SGCZ: variants seen among roughly 807,000 people sequenced by gnomAD.
SGCZ encodes the protein sarcoglycan zeta, also known as zeta-sarcoglycan.
A neutral mutation model predicts 41.3 loss-of-function variants in SGCZ; 40 were observed. The observed-to-expected ratio is 0.97, with a 90% CI of 0.75 to 1.26. The LOEUF (loss-of-function observed/expected upper bound fraction) is 1.26, where lower values mean the gene tolerates loss of function less well. Among genes scored for constraint, SGCZ ranks in the 50% most tolerant of loss-of-function variants. The pLI is 0.00. For missense variants in SGCZ, 552 were observed against 369.8 expected (o/e 1.49, Z -4.04); for synonymous variants, 206 against 137.5 (o/e 1.50, Z -3.49).
intron 1 of SGCZ, among the ~76,000 whole-genome samples, chr8:14,689,588 G>A (rs1808732114): frequency 6.6e-6 from 1 of 152,070 alleles, no homozygotes; most frequent in African/African-American, 2.4e-5. Context: ...TCTAGATTTA[G>A]TGAATTATAT....
chr8:14,818,282 A>T (rs1479850010), intron 1 of SGCZ, among the ~76,000 whole-genome samples: 1 of 152,112 alleles, frequency 6.6e-6, no homozygotes, highest in East Asian at 1.9e-4. Flanking sequence ...CTGACGACTA[A>T]CCTGATACTC....
chr8:14,693,827 G>A (rs575491482), intron 1 of SGCZ, among the ~76,000 whole-genome samples: 1 of 151,900 alleles, frequency 6.6e-6, no homozygotes, highest in Non-Finnish European at 1.5e-5. Context: ...CCTGACCTCA[G>A]GTGATCCGCC....
intron 2 of SGCZ, among the ~76,000 whole-genome samples, chr8:14,553,067 G>C (rs572397977): frequency 6.6e-6 from 1 of 152,058 alleles, no homozygotes; most frequent in South Asian, 2.1e-4. Flanking sequence ...TGATAGTCTG[G>C]TTGCTATTTA....
intron 1 of SGCZ, among the ~76,000 whole-genome samples, chr8:14,819,760 C>G (rs1473249748): frequency 2.6e-5 from 4 of 152,074 alleles, no homozygotes; most frequent in Non-Finnish European, 5.9e-5. Flanking sequence ...TAGAGTATTT[C>G]TATGTGACCA....
At chr8:14,747,070 G>A (rs1262711784) in intron 1 of SGCZ, among the ~76,000 whole-genome samples, 1 of 152,118 alleles carries the variant, frequency 6.6e-6, no homozygotes, top group Non-Finnish European at 1.5e-5. Context: ...TTTCTTTTAA[G>A]AGTGCTATTT....
chr8:15,033,086 C>T (rs1803740425), intron 1 of SGCZ, among the ~76,000 whole-genome samples: 1 of 152,060 alleles, frequency 6.6e-6, no homozygotes, highest in Non-Finnish European at 1.5e-5. Context: ...TTCCTATGAC[C>T]TCAAGCTCTA....
intron 1 of SGCZ, among the ~76,000 whole-genome samples, chr8:15,064,439 GACAA>G (rs1386553517): frequency 6.8e-6 from 1 of 148,018 alleles, no homozygotes; most frequent in Non-Finnish European, 1.5e-5. Context: ...TAGTTTTCTA[GACAA>G]ACAAAGAAAT....
chr8:14,638,184 T>C (rs571423979), intron 1 of SGCZ, among the ~76,000 whole-genome samples: 109 of 151,988 alleles, frequency 7.2e-4, no homozygotes, highest in African/African-American at 2.6e-3. Context: ...CAAAGATTCT[T>C]ACATTCTGTT....
At chr8:14,956,526 T>C (rs1369817833) in intron 1 of SGCZ, among the ~76,000 whole-genome samples, 1 of 152,172 alleles carries the variant, frequency 6.6e-6, no homozygotes, top group African/African-American at 2.4e-5. Flanking sequence ...CAGGATAGTT[T>C]TCATATTTCA....
chr8:14,665,836 T>A (rs2117495125), intron 1 of SGCZ, among the ~76,000 whole-genome samples: 1 of 152,294 alleles, frequency 6.6e-6, no homozygotes, highest in African/African-American at 2.4e-5. Context: ...ATTCTGAAAT[T>A]AAATACGAGA....
intron 1 of SGCZ, among the ~76,000 whole-genome samples, chr8:15,040,157 T>C (rs1376922561): frequency 2.0e-5 from 3 of 152,212 alleles, no homozygotes; most frequent in Non-Finnish European, 4.4e-5. Context: ...AGAGATCTAA[T>C]AGTACTCAAC....
intron 1 of SGCZ, among the ~76,000 whole-genome samples, chr8:14,568,854 T>G (rs142150711): frequency 1.3e-3 from 197 of 152,320 alleles, no homozygotes; most frequent in African/African-American, 4.4e-3. Context: ...TTGTTGACTG[T>G]ATGGATGGAT....
rs34489718 is a variant in SGCZ, at chr8:14,313,910, CTGTGTGTGTG to C, written c.336+10183_336+10192del. 4.0e-3 allele frequency among the ~76,000 whole-genome samples: 573 copies of C among 144,850 alleles called. 2 individuals are homozygous for C. The highest frequency in any genetic ancestry group is 0.014 in the Middle Eastern group (4 of 282). On this transcript the variant is annotated intron_variant, in intron 3 of 7. Coordinates refer to ENST00000382080, the MANE Select transcript of SGCZ (RefSeq NM_139167.4). Reference sequence around the variant, plus strand: ...AAAAGTATAGGGTTATATCATCTCTCTGTGTGTGTGTGTGTGTGTGTGTGTGTGTGTGTGT... The same window carrying C: ...AAAAGTATAGGGTTATATCATCTCTCTGTGTGTGTGTGTGTGTGTGTGTGT...
chr8:14,236,270 C>T (rs901360852), intron 4 of SGCZ, among the ~76,000 whole-genome samples: 3 of 152,126 alleles, frequency 2.0e-5, no homozygotes, highest in South Asian at 2.1e-4. Flanking sequence ...TAATAGCACC[C>T]CTCTATAACT....
chr8:14,475,166 A>T (rs912124372), intron 2 of SGCZ, among the ~76,000 whole-genome samples: 1 of 152,176 alleles, frequency 6.6e-6, no homozygotes, highest in Non-Finnish European at 1.5e-5. Flanking sequence ...TCATACTATT[A>T]AAAAGCAAAA....
At chr8:14,190,779 T>A (rs997265926) in intron 4 of SGCZ, among the ~76,000 whole-genome samples, 14 of 151,898 alleles carry the variant, frequency 9.2e-5, no homozygotes, top group African/African-American at 3.4e-4. Flanking sequence ...ATTTTTTATA[T>A]TTTTAGTAGA....
At chr8:14,337,041 T>C (rs764761140) in intron 2 of SGCZ, among the ~76,000 whole-genome samples, 10 of 152,128 alleles carry the variant, frequency 6.6e-5, no homozygotes, top group Non-Finnish European at 1.5e-4. Context: ...TCCCAATTAC[T>C]GGGAGGACTG....
chr8:14,907,718 G>A (rs767992147), intron 1 of SGCZ, among the ~76,000 whole-genome samples: 6 of 152,042 alleles, frequency 3.9e-5, no homozygotes, highest in African/African-American at 1.2e-4. Context: ...GTCCATTAGG[G>A]TTGTCTTCCC....
chr8:14,936,489 C>T (rs1293830253), intron 1 of SGCZ, among the ~76,000 whole-genome samples: 1 of 151,790 alleles, frequency 6.6e-6, no homozygotes, highest in Non-Finnish European at 1.5e-5. Context: ...TATACATACT[C>T]AGAGTATGGT....
Sources: gnomAD v4.1 joint callset for allele counts (sites outside exome capture counted in the v4.1 genomes callset) on GRCh38, gnomAD v4.1.1 for gene constraint, MANE v1.5 for transcripts, NCBI Gene and HGNC (gene_info 2026-07-23, HGNC 2026-07-21) for gene names.